ADGRL3: variants seen among roughly 807,000 people sequenced by gnomAD.
The protein encoded by ADGRL3 is calcium-independent alpha-latrotoxin receptor 3.
ADGRL3 carries 62 observed loss-of-function variants against 153.5 expected under a neutral mutation model. The ratio of observed to expected loss-of-function variants is 0.40; its 90% confidence interval spans 0.33 to 0.50. The LOEUF is 0.50. ADGRL3 is among the 20% of genes least tolerant of loss of function. The pLI, the probability that ADGRL3 is intolerant of heterozygous loss-of-function variation, is 0.47. For synonymous variants in ADGRL3, 710 were observed against 672.5 expected (o/e 1.06, Z -0.86); for missense variants, 1,641 against 1,859.4 (o/e 0.88, Z 2.16).
intron 9 of ADGRL3, among the ~76,000 whole-genome samples, chr4:61,868,063 A>G (rs988934285): frequency 3.3e-5 from 5 of 152,158 alleles, no homozygotes; most frequent in Admixed American, 1.3e-4. Flanking sequence ...AGTGGTTTAC[A>G]TATGCACAAA....
intron 1 of ADGRL3, among the ~76,000 whole-genome samples, chr4:61,250,508 G>A (rs1436614323): frequency 1.3e-5 from 2 of 152,114 alleles, no homozygotes; most frequent in Non-Finnish European, 2.9e-5. Flanking sequence ...CCTTGAAGGA[G>A]CTCCTATAAT....
intron 1 of ADGRL3, among the ~76,000 whole-genome samples, chr4:61,382,909 C>T (rs1037806142): frequency 2.0e-5 from 3 of 151,728 alleles, no homozygotes; most frequent in African/African-American, 7.3e-5. Flanking sequence ...TCCCAGTAAA[C>T]ATTATAATAA....
At chr4:61,847,272 G>T (rs1234581924) in intron 9 of ADGRL3, among the ~76,000 whole-genome samples, 1 of 151,378 alleles carries the variant, frequency 6.6e-6, no homozygotes, top group African/African-American at 2.4e-5. Flanking sequence ...GAATTCCTAG[G>T]TATGAAATTT....
At chr4:61,562,572 C>T (rs937179164) in intron 4 of ADGRL3, among the ~76,000 whole-genome samples, 4 of 152,070 alleles carry the variant, frequency 2.6e-5, no homozygotes, top group African/African-American at 7.2e-5. Context: ...GAGTAGATTC[C>T]ATCTCAAGAA....
intron 5 of ADGRL3, among the ~76,000 whole-genome samples, chr4:61,601,463 A>T (rs1290418955): frequency 6.6e-6 from 1 of 152,220 alleles, no homozygotes; most frequent in African/African-American, 2.4e-5. Flanking sequence ...CTACTCAATG[A>T]ATTCAAACTA....
chr4:61,667,606 G>A (rs1010073007), intron 5 of ADGRL3, among the ~76,000 whole-genome samples: 7 of 152,114 alleles, frequency 4.6e-5, no homozygotes, highest in Admixed American at 2.6e-4. Flanking sequence ...GAGGTTTTAC[G>A]TAAGTCCAAA....
At chr4:62,027,244 C>G (rs1426577281) in intron 21 of ADGRL3, among the ~76,000 whole-genome samples, 1 of 152,026 alleles carries the variant, frequency 6.6e-6, no homozygotes, top group African/African-American at 2.4e-5. Context: ...AAATTCTTCT[C>G]TCTTTATCTT....
intron 1 of ADGRL3, among the ~76,000 whole-genome samples, chr4:61,228,435 A>G (rs1261064094): frequency 6.6e-6 from 1 of 152,156 alleles, no homozygotes; most frequent in Non-Finnish European, 1.5e-5. Context: ...CCATATTCTA[A>G]TTTGATGTTT....
At chr4:61,862,317 C>T (rs1245285226) in intron 9 of ADGRL3, among the ~76,000 whole-genome samples, 1 of 151,946 alleles carries the variant, frequency 6.6e-6, no homozygotes, top group Non-Finnish European at 1.5e-5. Context: ...CAGTCTGCAC[C>T]CCAGATGAGA....
intron 8 of ADGRL3, among the ~76,000 whole-genome samples, chr4:61,745,090 C>T (rs1375136211): frequency 6.6e-6 from 1 of 151,954 alleles, no homozygotes; most frequent in Non-Finnish European, 1.5e-5. Context: ...GGAGCCAATG[C>T]GATCAACTGG....
chr4:61,751,970 A>C (rs898527605), intron 8 of ADGRL3, among the ~76,000 whole-genome samples: 3 of 152,106 alleles, frequency 2.0e-5, no homozygotes, highest in Non-Finnish European at 4.4e-5. Flanking sequence ...AAAGAACGGC[A>C]TTTTCTTATT....
At chr4:61,849,733 T>C (rs1048858143) in intron 9 of ADGRL3, among the ~76,000 whole-genome samples, 1 of 152,142 alleles carries the variant, frequency 6.6e-6, no homozygotes, top group Non-Finnish European at 1.5e-5. Context: ...AATATTATGC[T>C]CGTTTAATAT....
intron 2 of ADGRL3, among the ~76,000 whole-genome samples, chr4:61,489,361 A>C (rs1345808548): frequency 1.3e-5 from 2 of 151,978 alleles, no homozygotes; most frequent in Admixed American, 1.3e-4. Flanking sequence ...AGTTTAAAAA[A>C]AAAAATCTAT....
rs1318043718 is a variant in ADGRL3 at position 61,960,032 on chromosome 4, A to G, written c.2805+11756A>G. ...TTGCATGTTGAGTACCTCAAAATAT[A>G]GAAAATTTCTTGAAAAGAAACTGGT... On this transcript the variant is annotated intron_variant, in intron 17 of 26. Coordinates refer to ENST00000683033, the MANE Select transcript of ADGRL3 (RefSeq NM_001387552.1). 3.3e-5 allele frequency among the ~76,000 whole-genome samples: 5 copies of G among 152,370 alleles called. No individual in the cohort carries two copies. The East Asian group carries it at 9.6e-4, about 29-fold the overall frequency.
At chr4:61,362,130 G>T (rs1027855477) in intron 1 of ADGRL3, among the ~76,000 whole-genome samples, 4 of 151,102 alleles carry the variant, frequency 2.6e-5, no homozygotes, top group Non-Finnish European at 4.4e-5. Flanking sequence ...AGCCTCCCGA[G>T]TAGCTGGGAC....
intron 1 of ADGRL3, among the ~76,000 whole-genome samples, chr4:61,360,157 A>C (rs746822): frequency 0.069 from 10,439 of 152,158 alleles, 1,156 homozygotes; most frequent in African/African-American, 0.24. Flanking sequence ...CATATTCCTG[A>C]GAGGGATCTC....
intron 21 of ADGRL3, among the ~76,000 whole-genome samples, chr4:62,027,390 A>G (rs1424264756): frequency 6.6e-6 from 1 of 152,034 alleles, no homozygotes; most frequent in Admixed American, 6.6e-5. Context: ...GGCAGCTACT[A>G]TGTGAAGCTT....
chr4:61,378,994 C>T (rs1369551777), intron 1 of ADGRL3, among the ~76,000 whole-genome samples: 1 of 151,822 alleles, frequency 6.6e-6, no homozygotes, highest in Non-Finnish European at 1.5e-5. Flanking sequence ...TTATAGCTTT[C>T]TAATCTGTAA....
Position 61,418,627 on chromosome 4 carries a change from G to A in ADGRL3, c.-174+35438G>A, listed in dbSNP as rs11931701. ...GATAAATTCCACAAAGGAAAACAAC[G>A]CACTGAATTAAAACAGACTATTTAA... On this transcript the variant is annotated intron_variant, in intron 2 of 26. Transcript: ENST00000683033. Among the ~76,000 whole-genome samples the A allele has an allele frequency of 9.0e-3, 1,353 of 150,732 alleles. 108 individuals are homozygous for A. The highest frequency in any genetic ancestry group is 0.031 in the African/African-American group (1,271 of 40,670).
Sources: gnomAD v4.1 joint callset for allele counts (sites outside exome capture counted in the v4.1 genomes callset) on GRCh38, gnomAD v4.1.1 for gene constraint, MANE v1.5 for transcripts, NCBI Gene and HGNC (gene_info 2026-07-23, HGNC 2026-07-21) for gene names.